The following CBX5 variants were observed in gnomAD, a reference collection of about 807,000 sequenced individuals.
CBX5 encodes chromobox protein homolog 5.
In CBX5, 7 loss-of-function variants were observed where a neutral mutation model predicts 20.7. The ratio of observed to expected loss-of-function variants is 0.34; its 90% CI spans 0.19 to 0.63. The LOEUF is 0.63. Ranked by LOEUF, CBX5 falls within the 30% of genes least tolerant of loss-of-function variation. The pLI is 0.75. For missense variants in CBX5, 110 were observed against 224.1 expected (o/e 0.49, Z 3.25); for synonymous variants, 78 against 77.0 (o/e 1.01, Z -0.07).
chr12:54,279,734 C>G (rs1165035877), intron 1 of CBX5, among the ~76,000 whole-genome samples: 2 of 152,188 alleles, frequency 1.3e-5, no homozygotes, highest in Non-Finnish European at 2.9e-5. Context: ...AACCCGTCTC[C>G]CACATTCCGA....
At chr12:54,276,270 A>C (rs887143417) in intron 1 of CBX5, among the ~76,000 whole-genome samples, 2 of 152,218 alleles carry the variant, frequency 1.3e-5, no homozygotes, top group African/African-American at 4.8e-5. Context: ...AATATGAAAA[A>C]TTGAAAATTC....
chr12:54,261,286 A>C (rs550936166), intron 1 of CBX5, among the ~76,000 whole-genome samples: 49 of 151,410 alleles, frequency 3.2e-4, no homozygotes, highest in Non-Finnish European at 5.7e-4. Flanking sequence ...ACCAAAGTAG[A>C]AATTTTTTTC....
chr12:54,263,777 A>AG (rs1489767751), intron 1 of CBX5, among the ~76,000 whole-genome samples: 1 of 148,746 alleles, frequency 6.7e-6, no homozygotes, highest in South Asian at 2.1e-4. Context: ...AAAAAAAAAA[A>AG]AAAAAAGAAA....
In CBX5 at chr12:54,239,919, G is replaced by A. The variant is rs1011541508; in HGVS notation, c.*1836C>T. On this transcript the variant is annotated 3_prime_UTR_variant, in exon 5 of 5. Coordinates refer to ENST00000209875, the MANE Select transcript of CBX5 (RefSeq NM_012117.3). ...AATGCTATGAATGGGTATATGATTTGCATATTATGTGGCTCATCTGTGGAC... is the reference window on the plus strand; with the variant it reads ...AATGCTATGAATGGGTATATGATTTACATATTATGTGGCTCATCTGTGGAC... The A allele has an allele frequency of 1.3e-5, 2 of 152,190 alleles. No individual in the cohort carries two copies. Among genetic ancestry groups the A allele is most frequent in the Non-Finnish European group, 2.9e-5 (2 of 68,034 alleles). 9.4% of individuals were successfully genotyped at this position (152,190 alleles called of 1,614,324 possible).
At chr12:54,268,337 A>G (rs912716500) in intron 1 of CBX5, among the ~76,000 whole-genome samples, 2 of 152,198 alleles carry the variant, frequency 1.3e-5, no homozygotes, top group African/African-American at 2.4e-5. Flanking sequence ...ATTGACATTT[A>G]AGTTGAGTTA....
At chr12:54,258,930 C>T (rs768590851) in intron 1 of CBX5, among the ~76,000 whole-genome samples, 2 of 152,132 alleles carry the variant, frequency 1.3e-5, no homozygotes, top group African/African-American at 4.8e-5. Flanking sequence ...TATCAATTCA[C>T]TTCAAATTAG....
At chr12:54,252,364 T>C (rs1943815013) in intron 2 of CBX5, 137 bp from the exon 3 acceptor site, 1 of 491,622 alleles carries the variant, frequency 2.0e-6, no homozygotes, top group Admixed American at 4.2e-5. Context: ...AGATAACAAA[T>C]TTGATCCTAG....
At chr12:54,268,420 A>G (rs1044056933) in intron 1 of CBX5, among the ~76,000 whole-genome samples, 3 of 152,258 alleles carry the variant, frequency 2.0e-5, no homozygotes, top group African/African-American at 7.2e-5. Flanking sequence ...GAAAGGCATC[A>G]GATAAATGCT....
Position 54,239,500 on chromosome 12 carries a change from G to T in CBX5, c.*2255C>A, listed in dbSNP as rs1943655486. The T allele has an allele frequency of 6.6e-6, 1 of 152,118 alleles. No homozygotes were observed. The highest frequency in any genetic ancestry group is 6.5e-5 in the Admixed American group (1 of 15,268). 9.4% of individuals were successfully genotyped at this position (152,118 alleles called of 1,614,324 possible). ...TCCTCAGGAGCTCTGGCCTATTTTTGTCCTATTCTTGTCTACCCTAATTGA... is the reference window on the plus strand; with the variant it reads ...TCCTCAGGAGCTCTGGCCTATTTTTTTCCTATTCTTGTCTACCCTAATTGA... On this transcript the variant is annotated 3_prime_UTR_variant, in exon 5 of 5. Coordinates refer to ENST00000209875, the MANE Select transcript of CBX5 (RefSeq NM_012117.3).
In CBX5 at chr12:54,234,643, A is replaced by G. The variant is rs1219334362; in HGVS notation, c.*7112T>C. 2 of 152,206 alleles carry G rather than the reference A, an allele frequency of 1.3e-5. No individual in the cohort carries two copies. The highest frequency in any genetic ancestry group is 4.8e-5 in the African/African-American group (2 of 41,444). The allele number at this position is 152,206 out of a possible 1,614,324, so 9.4% of individuals were successfully genotyped here. ...ATGATCACAATCAGTTGACTTTGAA[A>G]TTGTCTTAATTAATGGCTCTTTCCT... On this transcript the variant is annotated 3_prime_UTR_variant, in exon 5 of 5. Transcript: ENST00000209875.
chr12:54,275,797 G>C (rs1006931917), intron 1 of CBX5, among the ~76,000 whole-genome samples: 9 of 151,954 alleles, frequency 5.9e-5, no homozygotes, highest in Non-Finnish European at 1.3e-4. Flanking sequence ...CCTAAGGTCA[G>C]GAGTTTGAGG....
rs556625958 is a variant in CBX5, at chr12:54,237,207, T to A, written c.*4548A>T. On this transcript the variant is annotated 3_prime_UTR_variant, in exon 5 of 5. Transcript: ENST00000209875. Reference sequence around the variant, plus strand: ...TCCACTATTCTGTCTATAATGAGAATATATCAATAGCAGGAAATCTACTTT... The same window carrying A: ...TCCACTATTCTGTCTATAATGAGAAAATATCAATAGCAGGAAATCTACTTT... The A allele has an allele frequency of 6.6e-6, 1 of 152,146 alleles. No individual in the cohort carries two copies. Among genetic ancestry groups the A allele is most frequent in the Non-Finnish European group, 1.5e-5 (1 of 68,060 alleles). The allele number at this position is 152,146 out of a possible 1,614,324, so 9.4% of individuals were successfully genotyped here. A position where few individuals can be genotyped will look rare whatever the true frequency, so the allele number is the denominator to read the frequency against.
intron 4 of CBX5, among the ~76,000 whole-genome samples, chr12:54,244,195 G>T (rs1227166189): frequency 6.7e-6 from 1 of 150,232 alleles, no homozygotes; most frequent in Non-Finnish European, 1.5e-5. Flanking sequence ...TAGTAGACAC[G>T]GGGTTTCACC....
intron 1 of CBX5, among the ~76,000 whole-genome samples, chr12:54,269,190 G>C (rs1239339955): frequency 6.6e-6 from 1 of 152,042 alleles, no homozygotes; most frequent in South Asian, 2.1e-4. Context: ...AACCCCCCAG[G>C]AGGCGGAGGT....
chr12:54,264,211 G>A (rs1943939356), intron 1 of CBX5, among the ~76,000 whole-genome samples: 1 of 152,192 alleles, frequency 6.6e-6, no homozygotes, highest in Admixed American at 6.5e-5. Context: ...AGGCTGCAGT[G>A]CAGTGGTGCG....
At chr12:54,271,428 C>A (rs1018235779) in intron 1 of CBX5, among the ~76,000 whole-genome samples, 1 of 152,204 alleles carries the variant, frequency 6.6e-6, no homozygotes, top group African/African-American at 2.4e-5. Context: ...CAGGTTCAAG[C>A]GATTCTCCTG....
chr12:54,280,110 C>G lies in CBX5; in HGVS notation c.-145G>C, dbSNP rs1294486264. On this transcript the variant is annotated 5_prime_UTR_variant, in exon 1 of 5. Coordinates refer to ENST00000209875, the MANE Select transcript of CBX5 (RefSeq NM_012117.3). The stretch of plus-strand genomic sequence containing the variant: ...CCGCCGCCTTCTGCGCAACGCCAAC[C>G]GCCCGCCAAAACGGATCCTTCCCTG... The G allele has an allele frequency of 6.3e-6, 1 of 159,224 alleles. No homozygotes were observed. Among genetic ancestry groups the G allele is most frequent in the East Asian group, 1.9e-4 (1 of 5,380 alleles). 9.9% of individuals were successfully genotyped at this position (159,224 alleles called of 1,614,324 possible).
intron 1 of CBX5, among the ~76,000 whole-genome samples, chr12:54,277,986 C>A (rs922207044): frequency 3.3e-5 from 5 of 152,102 alleles, no homozygotes; most frequent in Non-Finnish European, 5.9e-5. Flanking sequence ...GTAGCTGGGA[C>A]TACAGGAACA....
chr12:54,267,094 G>A (rs1414246381), intron 1 of CBX5, among the ~76,000 whole-genome samples: 1 of 152,120 alleles, frequency 6.6e-6, no homozygotes, highest in Admixed American at 6.6e-5. Flanking sequence ...ATTCTCAGGT[G>A]GGTGTTAATC....
Sources: gnomAD v4.1 joint callset for allele counts (sites outside exome capture counted in the v4.1 genomes callset) on GRCh38, gnomAD v4.1.1 for gene constraint, MANE v1.5 for transcripts, NCBI Gene and HGNC (gene_info 2026-07-23, HGNC 2026-07-21) for gene names.